EGFLAM: variants seen among roughly 807,000 people sequenced by gnomAD.
The protein encoded by EGFLAM is pikachurin.
A neutral mutation model predicts 113.1 loss-of-function variants in EGFLAM; 79 were observed. That is an observed-to-expected ratio of 0.70 (90% confidence interval 0.58 to 0.84). The LOEUF (loss-of-function observed/expected upper bound fraction) is 0.84. Among genes scored for constraint, EGFLAM ranks in the 40% least tolerant of loss-of-function variants. The pLI is 0.00. For missense variants in EGFLAM, 1,265 were observed against 1,291.6 expected (o/e 0.98, Z 0.32); for synonymous variants, 504 against 487.6 (o/e 1.03, Z -0.44).
At chr5:38,360,378 C>T (rs1378172452) in intron 5 of EGFLAM, among the ~76,000 whole-genome samples, 1 of 152,156 alleles carries the variant, frequency 6.6e-6, no homozygotes. Flanking sequence ...AGCCTCTAAG[C>T]CTGGTGAAGT....
At chr5:38,266,030 A>G (rs1215367713) in intron 1 of EGFLAM, among the ~76,000 whole-genome samples, 5 of 152,208 alleles carry the variant, frequency 3.3e-5, no homozygotes, top group African/African-American at 9.7e-5. Context: ...TGCTCTGGGC[A>G]TCTGTATTTA....
At chr5:38,374,860 A>C (rs1036336391) in intron 6 of EGFLAM, among the ~76,000 whole-genome samples, 10 of 152,340 alleles carry the variant, frequency 6.6e-5, no homozygotes, top group African/African-American at 2.4e-4. Flanking sequence ...GAGTCAGTTA[A>C]GTCTGATCTC....
intron 11 of EGFLAM, among the ~76,000 whole-genome samples, chr5:38,416,271 G>A (rs1424380761): frequency 6.6e-6 from 1 of 152,176 alleles, no homozygotes; most frequent in Non-Finnish European, 1.5e-5. Flanking sequence ...TGCAAGTGAT[G>A]TATTAAGAAA....
intron 3 of EGFLAM, among the ~76,000 whole-genome samples, chr5:38,340,446 G>A (rs1456111634): frequency 6.6e-6 from 1 of 152,110 alleles, no homozygotes; most frequent in Non-Finnish European, 1.5e-5. Flanking sequence ...TTCTGCATTT[G>A]ATCATCTTGC....
At chr5:38,351,061 C>A (rs754002732) in intron 4 of EGFLAM, among the ~76,000 whole-genome samples, 71 of 151,044 alleles carry the variant, frequency 4.7e-4, no homozygotes, top group Non-Finnish European at 8.4e-4. Flanking sequence ...TGGCAAGGAG[C>A]TTTTTGTGGA....
chr5:38,410,050 G>A (rs1267225621), intron 10 of EGFLAM, among the ~76,000 whole-genome samples: 1 of 152,166 alleles, frequency 6.6e-6, no homozygotes, highest in East Asian at 1.9e-4. Context: ...CTCCAAGCCT[G>A]CCTTTCCTCA....
At chr5:38,329,960 A>C (rs1193376606) in intron 1 of EGFLAM, among the ~76,000 whole-genome samples, 5 of 152,184 alleles carry the variant, frequency 3.3e-5, no homozygotes, top group Admixed American at 6.5e-5. Context: ...AAATGCCAAT[A>C]AAATAGGAGT....
rs1392490518 is a variant in EGFLAM, at chr5:38,427,272, G to A, written c.2054+20G>A. The A allele has an allele frequency of 1.2e-6, 2 of 1,607,846 alleles. No homozygotes were observed. The highest frequency in any genetic ancestry group is 3.4e-5 in the Admixed American group (2 of 59,094). On this transcript the variant is annotated intron_variant, in intron 14 of 21. Transcript: ENST00000322350. ...CCTCAGGTGAGGGCTGAAAACTTCT[G>A]GGACTCTTTCCCTTAAAAAGGCAAA...
intron 19 of EGFLAM, among the ~76,000 whole-genome samples, chr5:38,455,963 G>C (rs371514501): frequency 1.4e-4 from 22 of 152,234 alleles, no homozygotes; most frequent in African/African-American, 5.3e-4. Context: ...TGGGTGTTCC[G>C]GACTGCTTTG....
chr5:38,381,805 G>A (rs1740518908), intron 6 of EGFLAM, among the ~76,000 whole-genome samples: 1 of 152,194 alleles, frequency 6.6e-6, no homozygotes, highest in Non-Finnish European at 1.5e-5. Flanking sequence ...GCACAGGGCA[G>A]GGTGGAGAAG....
chr5:38,457,733 A>T (rs1445189860), intron 19 of EGFLAM, among the ~76,000 whole-genome samples: 1 of 152,206 alleles, frequency 6.6e-6, no homozygotes, highest in South Asian at 2.1e-4. Context: ...AACATTACAC[A>T]TGATAAAGCC....
chr5:38,426,843 C>T (rs1195386335), intron 13 of EGFLAM, among the ~76,000 whole-genome samples, 166 bp from the exon 14 acceptor site: 1 of 152,118 alleles, frequency 6.6e-6, no homozygotes. Context: ...GATTCTTCCA[C>T]CCATGTTCTA....
intron 5 of EGFLAM, among the ~76,000 whole-genome samples, chr5:38,355,407 T>A (rs1477374902): frequency 6.6e-6 from 1 of 152,188 alleles, no homozygotes; most frequent in African/African-American, 2.4e-5. Flanking sequence ...TGAGGTCACA[T>A]GCTGGTTGCA....
At chr5:38,370,519 A>G (rs1740181665) in intron 6 of EGFLAM, 57 bp downstream of exon 6, 4 of 1,566,006 alleles carry the variant, frequency 2.6e-6, no homozygotes, top group Non-Finnish European at 3.5e-6. Context: ...GGCTTGCCTC[A>G]TGAAGACTCA....
chr5:38,297,923 TC>T lies in EGFLAM; in HGVS notation c.97+39074del, dbSNP rs1300345690. 2.0e-5 allele frequency among the ~76,000 whole-genome samples: 3 copies of T among 152,306 alleles called. No individual in the cohort carries two copies. In the East Asian group the frequency reaches 5.8e-4, roughly 29 times the overall value. The stretch of plus-strand genomic sequence containing the variant: ...AAGAGGAGATGGCTTGCAGCTGGGA[TC>T]CACTCCCCATTACTGTCGTAAGGAC... On this transcript the variant is annotated intron_variant, in intron 1 of 21. Coordinates refer to ENST00000322350, the MANE Select transcript of EGFLAM (RefSeq NM_152403.4).
intron 6 of EGFLAM, among the ~76,000 whole-genome samples, chr5:38,394,260 T>C (rs1159485696): frequency 6.6e-6 from 1 of 151,926 alleles, no homozygotes; most frequent in African/African-American, 2.4e-5. Flanking sequence ...TGTTTTCACT[T>C]AGGGCTGTGG....
intron 1 of EGFLAM, among the ~76,000 whole-genome samples, chr5:38,263,183 C>T (rs1367334603): frequency 2.0e-5 from 3 of 152,088 alleles, no homozygotes; most frequent in East Asian, 1.9e-4. Context: ...GGATGTTTGC[C>T]GGGCATGGTG....
intron 12 of EGFLAM, among the ~76,000 whole-genome samples, chr5:38,422,282 T>C (rs1741851715): frequency 6.6e-6 from 1 of 152,158 alleles, no homozygotes; most frequent in Non-Finnish European, 1.5e-5. Context: ...ATGAGGTCTG[T>C]GTATACATGA....
chr5:38,447,402 A>G (rs958407523), intron 17 of EGFLAM, among the ~76,000 whole-genome samples: 1 of 152,188 alleles, frequency 6.6e-6, no homozygotes, highest in African/African-American at 2.4e-5. Context: ...ATAAAATGAG[A>G]ATAACCAACC....
Sources: allele counts gnomAD v4.1 joint callset (sites outside exome capture counted in the v4.1 genomes callset), GRCh38; gene constraint gnomAD v4.1.1; transcripts MANE v1.5; gene names NCBI Gene and HGNC (gene_info 2026-07-23, HGNC 2026-07-21).